The following PKHD1L1 variants were observed in gnomAD, a reference collection of about 807,000 sequenced individuals.
The protein encoded by PKHD1L1 is fibrocystin-L.
In PKHD1L1, 434 loss-of-function variants were observed where a neutral mutation model predicts 462.9. The observed-to-expected ratio is 0.94, with a 90% CI of 0.87 to 1.02. PKHD1L1 has a LOEUF of 1.02. Among genes scored for constraint, PKHD1L1 ranks in the 50% least tolerant of loss-of-function variants. The pLI, the probability that PKHD1L1 is intolerant of heterozygous loss-of-function variation, is 0.00. For missense variants in PKHD1L1, 5,202 were observed against 5,096.1 expected (o/e 1.02, Z -0.63); for synonymous variants, 1,781 against 1,750.0 (o/e 1.02, Z -0.44).
chr8:109,458,381 C>T (rs533158563), intron 46 of PKHD1L1, among the ~76,000 whole-genome samples: 89 of 149,896 alleles, frequency 5.9e-4, no homozygotes, highest in Non-Finnish European at 1.1e-3. Context: ...CTTCCCCCCA[C>T]GAATTCATTC....
intron 2 of PKHD1L1, among the ~76,000 whole-genome samples, chr8:109,370,525 T>C (rs1811449110): frequency 6.6e-6 from 1 of 152,054 alleles, no homozygotes; most frequent in Middle Eastern, 3.4e-3. Context: ...ATTATTATTA[T>C]ACTTTAAGTT....
At chr8:109,492,782 T>G (rs868103790) in intron 62 of PKHD1L1, among the ~76,000 whole-genome samples, 2 of 151,916 alleles carry the variant, frequency 1.3e-5, no homozygotes, top group Non-Finnish European at 1.5e-5. Flanking sequence ...TATTTAAAAA[T>G]AAGTGTGTTT....
chr8:109,507,318 T>C (rs1398453168), intron 68 of PKHD1L1, among the ~76,000 whole-genome samples: 1 of 152,296 alleles, frequency 6.6e-6, no homozygotes, highest in African/African-American at 2.4e-5. Context: ...ATCATTCACC[T>C]ACTCTCTGGA....
At chr8:109,365,062 A>T (rs1410137345) in intron 2 of PKHD1L1, among the ~76,000 whole-genome samples, 4 of 152,216 alleles carry the variant, frequency 2.6e-5, no homozygotes, top group Admixed American at 2.6e-4. Context: ...ATAGAAAACA[A>T]AACTTTAGAT....
At chr8:109,505,342 A>G (rs973861434) in intron 68 of PKHD1L1, among the ~76,000 whole-genome samples, 3 of 152,192 alleles carry the variant, frequency 2.0e-5, no homozygotes, top group Non-Finnish European at 4.4e-5. Flanking sequence ...GTCAGCCATT[A>G]TAATCACTGT....
chr8:109,500,773 C>A (rs1309976846), intron 67 of PKHD1L1, among the ~76,000 whole-genome samples: 2 of 151,514 alleles, frequency 1.3e-5, no homozygotes, highest in African/African-American at 4.9e-5. Context: ...TGGGCATATA[C>A]CCCAGTGGAT....
rs1353314629 is a variant in PKHD1L1, at chr8:109,454,221, T to A, written c.6719T>A (p.Leu2240Gln). 6.2e-7 allele frequency: 1 copy of A among 1,607,720 alleles called. No individual in the cohort carries two copies. Among genetic ancestry groups the A allele is most frequent in the Non-Finnish European group, 8.5e-7 (1 of 1,176,674 alleles). Residue 2240 changes from leucine (L) to glutamine (Q), a missense_variant, in exon 44 of 78, where the codon CTA becomes CAA. Physicochemically the swap from Leu to Gln is moderately radical, Grantham distance 113. This residue lies in a region of PKHD1L1 where 4,497 missense variants were observed against 4,336.8 expected (regional missense o/e 1.04). Coordinates refer to ENST00000378402, the MANE Select transcript of PKHD1L1 (RefSeq NM_177531.6). ...ATTGAACTCCAGGCAGAAAATATTC[T>A]AATTACAGATGGAGGTGTTCTTCAG... ...ADIELQAENI[L>Q]ITDGGVLQIG...
intron 47 of PKHD1L1, 77 bp from the exon 48 acceptor site, chr8:109,461,695 A>G: frequency 6.9e-7 from 1 of 1,440,834 alleles, no homozygotes; most frequent in Non-Finnish European, 9.4e-7. Flanking sequence ...CAAATGATAC[A>G]CTTAGTTATG....
At chr8:109,462,097 G>A (rs1196171923) in intron 48 of PKHD1L1, among the ~76,000 whole-genome samples, 189 bp downstream of exon 48, 2 of 151,958 alleles carry the variant, frequency 1.3e-5, no homozygotes, top group Admixed American at 1.3e-4. Flanking sequence ...CTCACACCTC[G>A]AATCGAATTA....
At position 109,442,946 on chromosome 8, in the gene PKHD1L1, G is replaced by GGGTGTTTTT; in HGVS notation, c.4394_4395insGGTGTTTTT (p.Gly1465_Ser1466insValPhePhe). The GGGTGTTTTT allele has an allele frequency of 1.2e-6, 2 of 1,611,366 alleles. No individual in the cohort carries two copies. The highest frequency in any genetic ancestry group is 1.7e-5 in the Admixed American group (1 of 59,916). ...TACGTACAATCTCATTTTATGGCAG[G>GGGTGTTTTT]TTCATTTTCTTACCAATTTACTTCT... On this transcript the variant is annotated inframe_insertion and splice_region_variant, in exon 36 of 78. Transcript: ENST00000378402.
At chr8:109,505,726 C>G (rs539383861) in intron 68 of PKHD1L1, among the ~76,000 whole-genome samples, 6 of 151,012 alleles carry the variant, frequency 4.0e-5, no homozygotes, top group African/African-American at 1.5e-4. Flanking sequence ...TAGGGAGATA[C>G]CATCTCTACA....
intron 4 of PKHD1L1, 42 bp downstream of exon 4, chr8:109,382,613 T>A: frequency 1.3e-6 from 2 of 1,516,578 alleles, no homozygotes; most frequent in Non-Finnish European, 1.8e-6. Context: ...TAGTTGATCT[T>A]GCTTTCTTTC....
chr8:109,500,317 C>T (rs552603689), intron 67 of PKHD1L1, among the ~76,000 whole-genome samples: 1 of 151,714 alleles, frequency 6.6e-6, no homozygotes, highest in Non-Finnish European at 1.5e-5. Context: ...TTCTGTCTTC[C>T]TTGGTTAACA....
At chr8:109,469,586 G>A (rs1428857766) in intron 50 of PKHD1L1, among the ~76,000 whole-genome samples, 4 of 152,148 alleles carry the variant, frequency 2.6e-5, no homozygotes. Flanking sequence ...TAAGTGTGCA[G>A]TGCCACTTCC....
chr8:109,434,491 T>A (rs1012807235), intron 28 of PKHD1L1, among the ~76,000 whole-genome samples: 2 of 152,090 alleles, frequency 1.3e-5, no homozygotes, highest in African/African-American at 4.8e-5. Flanking sequence ...TTTTTTGAGA[T>A]GGAGTCTCAT....
At chr8:109,449,625 C>A in intron 40 of PKHD1L1, 138 bp downstream of exon 40, 1 of 630,808 alleles carries the variant, frequency 1.6e-6, no homozygotes, top group Non-Finnish European at 2.4e-6. Flanking sequence ...TAAGCAATTT[C>A]TTCAGGACAT....
chr8:109,465,052 T>C lies in PKHD1L1; in HGVS notation c.8220T>C (p.Ser2740=). 6.2e-7 allele frequency: 1 copy of C among 1,613,838 alleles called. No individual in the cohort carries two copies. The highest frequency in any genetic ancestry group is 8.5e-7 in the Non-Finnish European group (1 of 1,179,806). The change falls in exon 49 of 78, where the codon TCT becomes TCC. Residue 2740 remains serine (S), a synonymous_variant. Coordinates refer to ENST00000378402, the MANE Select transcript of PKHD1L1 (RefSeq NM_177531.6). ...TTAGTGAAGGCTTGACTGTCTCTTC[T>C]GTGCACTTTATGAACTTTGACCGTC... The part of the protein sequence containing the change: ...LPFSEGLTVS[S]VHFMNFDRPN...
Position 109,443,688 on chromosome 8 carries a change from A to C in PKHD1L1, c.4577A>C (p.Asn1526Thr). 3 of 1,611,746 alleles carry C rather than the reference A, an allele frequency of 1.9e-6. No individual in the cohort carries two copies. The highest frequency in any genetic ancestry group is 2.5e-6 in the Non-Finnish European group (3 of 1,179,030). ...EATYAYGGPENLHLGSSVAGC... is the reference protein window; with the variant it reads ...EATYAYGGPETLHLGSSVAGC... ...CTTTTGTCTAAAGGAGGACCTGAGA[A>C]TTTGCACTTGGGAAGCTCTGTGGCA... Residue 1526 changes from asparagine to threonine, a missense_variant, in exon 37 of 78, where the codon AAT (asparagine) becomes ACT (threonine). Asn to Thr is a moderately conservative substitution (Grantham distance 65, BLOSUM62 0). Around this residue, in one of 3 missense-constraint regions of PKHD1L1, gnomAD observed 4,497 missense variants for 4,336.8 expected, o/e 1.04. Coordinates refer to ENST00000378402, the MANE Select transcript of PKHD1L1 (RefSeq NM_177531.6).
intron 67 of PKHD1L1, among the ~76,000 whole-genome samples, chr8:109,499,695 A>C (rs1175514674): frequency 6.6e-6 from 1 of 152,250 alleles, no homozygotes. Flanking sequence ...AACATATAAA[A>C]GTTGGTTGAC....
Sources: gnomAD v4.1 joint callset for allele counts (sites outside exome capture counted in the v4.1 genomes callset) on GRCh38, gnomAD v4.1.1 for gene constraint, gnomAD v4.1.1 regional missense constraint, MANE v1.5 for transcripts, NCBI Gene and HGNC (gene_info 2026-07-23, HGNC 2026-07-21) for gene names.